Variants in NBAS observed in about 807,000 individuals in gnomAD.
NBAS encodes the protein NAG/BC035112 fusion.
Under a neutral mutation model 302.5 loss-of-function variants are expected in NBAS, and 219 were observed. The ratio of observed to expected loss-of-function variants is 0.72; its 90% CI spans 0.65 to 0.81. The LOEUF is 0.81. Among genes scored for constraint, NBAS ranks in the 30% least tolerant of loss-of-function variants. The pLI is 0.00. For synonymous variants in NBAS, 1,118 were observed against 1,021.6 expected (o/e 1.09, Z -1.80); for missense variants, 2,932 against 2,841.6 (o/e 1.03, Z -0.72).
the NBAS span, among the ~76,000 whole-genome samples, chr2:15,142,809 G>C: frequency 6.6e-6 from 1 of 152,204 alleles, no homozygotes; most frequent in South Asian, 2.1e-4. Context: ...GATATCTTAA[G>C]AGCACCTTTG....
At chr2:14,985,034 CATAA>C in the NBAS span, among the ~76,000 whole-genome samples, 2 of 152,110 alleles carry the variant, frequency 1.3e-5, no homozygotes, top group Non-Finnish European at 2.9e-5. Flanking sequence ...GTGAAATTAT[CATAA>C]ATAAAGGCAT....
the NBAS span, among the ~76,000 whole-genome samples, chr2:14,886,329 T>C: frequency 6.6e-6 from 1 of 152,228 alleles, no homozygotes; most frequent in Non-Finnish European, 1.5e-5. Flanking sequence ...CTACATGCTT[T>C]TCTTTTTGCC....
intron 21 of NBAS, among the ~76,000 whole-genome samples, chr2:15,454,653 T>C (rs1679168061): frequency 6.6e-6 from 1 of 152,172 alleles, no homozygotes; most frequent in African/African-American, 2.4e-5. Flanking sequence ...TGCATGTACA[T>C]TCCTCAAACA....
the NBAS span, among the ~76,000 whole-genome samples, chr2:14,954,250 A>T: frequency 6.6e-6 from 1 of 152,142 alleles, no homozygotes; most frequent in African/African-American, 2.4e-5. Context: ...AAATGAATTA[A>T]TTGAGGTCTG....
chr2:14,993,268 C>T, the NBAS span, among the ~76,000 whole-genome samples: 1 of 152,186 alleles, frequency 6.6e-6, no homozygotes, highest in Non-Finnish European at 1.5e-5. Flanking sequence ...TCACTATTTA[C>T]AACACTGCAG....
the NBAS span, among the ~76,000 whole-genome samples, chr2:15,140,669 T>C: frequency 7.9e-5 from 12 of 152,304 alleles, no homozygotes; most frequent in African/African-American, 2.9e-4. Context: ...CAAAGGTGAA[T>C]TCAGCAGGAA....
the NBAS span, among the ~76,000 whole-genome samples, chr2:15,115,433 G>A: frequency 6.6e-6 from 1 of 152,164 alleles, no homozygotes; most frequent in East Asian, 1.9e-4. Flanking sequence ...CTTTGATTAA[G>A]TGAAATAGAA....
intron 47 of NBAS, among the ~76,000 whole-genome samples, chr2:15,221,567 CA>C (rs1666949654): frequency 6.6e-6 from 1 of 152,112 alleles, no homozygotes; most frequent in Admixed American, 6.5e-5. Context: ...GACTATTATC[CA>C]AATTACTAAT....
chr2:15,516,811 T>C (rs1449412019), intron 9 of NBAS, among the ~76,000 whole-genome samples: 1 of 151,192 alleles, frequency 6.6e-6, no homozygotes, highest in Non-Finnish European at 1.5e-5. Flanking sequence ...TATAAAGATC[T>C]CCCAAAACCA....
chr2:15,190,092 G>T (rs1202623547), intron 49 of NBAS, among the ~76,000 whole-genome samples, 172 bp downstream of exon 49: 1 of 152,058 alleles, frequency 6.6e-6, no homozygotes, highest in Non-Finnish European at 1.5e-5. Flanking sequence ...AAGGAGAAAC[G>T]GAAAGACATT....
chr2:15,468,251 G>A (rs1679809880), intron 17 of NBAS, 131 bp downstream of exon 17: 1 of 1,058,982 alleles, frequency 9.4e-7, no homozygotes, highest in Non-Finnish European at 1.4e-6. Flanking sequence ...AGGTAAGACA[G>A]TATTGATCAA....
chr2:15,120,561 A>G, the NBAS span, among the ~76,000 whole-genome samples: 1 of 152,084 alleles, frequency 6.6e-6, no homozygotes, highest in Non-Finnish European at 1.5e-5. Context: ...GGCTCATTTA[A>G]AGTCCCCAGA....
intron 42 of NBAS, among the ~76,000 whole-genome samples, chr2:15,282,775 T>C (rs776783580): frequency 2.0e-5 from 3 of 152,184 alleles, no homozygotes; most frequent in Admixed American, 2.0e-4. Context: ...AGTCTGGCAG[T>C]ATAAAGACAT....
chr2:15,310,936 T>A (rs1383837845), intron 38 of NBAS, among the ~76,000 whole-genome samples: 1 of 152,178 alleles, frequency 6.6e-6, no homozygotes, highest in African/African-American at 2.4e-5. Context: ...TCTATACATA[T>A]ATAATGAATC....
At chr2:14,934,626 A>C in the NBAS span, among the ~76,000 whole-genome samples, 1 of 152,186 alleles carries the variant, frequency 6.6e-6, no homozygotes, top group East Asian at 1.9e-4. Flanking sequence ...CAGGCCACAC[A>C]ATAGTGCCCT....
At chr2:14,845,752 A>G in the NBAS span, among the ~76,000 whole-genome samples, 2 of 152,254 alleles carry the variant, frequency 1.3e-5, no homozygotes, top group Admixed American at 6.5e-5. Flanking sequence ...TGGAGTTAGA[A>G]CATACAATTC....
At chr2:15,465,764 T>A (rs958989392) in intron 19 of NBAS, among the ~76,000 whole-genome samples, 4 of 152,174 alleles carry the variant, frequency 2.6e-5, no homozygotes, top group African/African-American at 9.7e-5. Context: ...TACAGTATAA[T>A]AATAAATATA....
At chr2:15,035,795 C>T in the NBAS span, among the ~76,000 whole-genome samples, 1 of 152,112 alleles carries the variant, frequency 6.6e-6, no homozygotes, top group South Asian at 2.1e-4. Context: ...ACAGTGAGAA[C>T]ACATGGACAC....
the NBAS span, among the ~76,000 whole-genome samples, chr2:14,830,614 G>A: frequency 3.3e-5 from 5 of 152,174 alleles, no homozygotes; most frequent in African/African-American, 1.2e-4. Flanking sequence ...GTTGGCTGCT[G>A]GAGCATTTGT....
Sources: allele counts gnomAD v4.1 joint callset (sites outside exome capture counted in the v4.1 genomes callset), GRCh38; gene constraint gnomAD v4.1.1; transcripts MANE v1.5; gene names NCBI Gene and HGNC (gene_info 2026-07-23, HGNC 2026-07-21).